The following AK5 variants were observed in gnomAD, a reference collection of about 807,000 sequenced individuals.
AK5 encodes adenylate kinase isoenzyme 5.
In AK5, 27 loss-of-function variants were observed where a neutral mutation model predicts 69.5. That is an observed-to-expected ratio of 0.39 (90% CI 0.29 to 0.54). The LOEUF is 0.54. Ranked by LOEUF, AK5 falls within the 20% of genes least tolerant of loss-of-function variation. AK5 has a pLI of 0.71. For missense variants in AK5, 531 were observed against 700.4 expected (o/e 0.76, Z 2.73); for synonymous variants, 260 against 244.4 (o/e 1.06, Z -0.60).
intron 8 of AK5, among the ~76,000 whole-genome samples, chr1:77,470,840 T>C (rs966851633): frequency 8.8e-3 from 10 of 1,134 alleles, no homozygotes; most frequent in African/African-American, 0.016. Context: ...TATATATATA[T>C]ATATATATAT....
Position 77,558,743 on chromosome 1 carries a change from A to AAGTT in AK5, c.*75_*78dup. The AAGTT allele has an allele frequency of 1.8e-6, 2 of 1,124,008 alleles. No individual in the cohort carries two copies. Among genetic ancestry groups the AAGTT allele is most frequent in the East Asian group, 2.4e-5 (1 of 42,410 alleles). The allele number at this position is 1,124,008 out of a possible 1,614,324, so 69.6% of individuals were successfully genotyped here. ...AGTTCATTCCTTAACACAATGTTTCAAGTTAAACCTTTTGTGTCACCGCCC... is the reference window on the plus strand; with the variant it reads ...AGTTCATTCCTTAACACAATGTTTCAAGTTAGTTAAACCTTTTGTGTCACCGCCC... On this transcript the variant is annotated 3_prime_UTR_variant, in exon 14 of 14. Transcript: ENST00000354567.
At chr1:77,433,242 T>A (rs1418899187) in intron 8 of AK5, among the ~76,000 whole-genome samples, 2 of 146,468 alleles carry the variant, frequency 1.4e-5, no homozygotes, top group Non-Finnish European at 3.0e-5. Flanking sequence ...AGCCTAATAA[T>A]AGGTGTATTA....
chr1:77,291,194 T>C (rs1014656524), intron 2 of AK5, among the ~76,000 whole-genome samples: 1 of 152,206 alleles, frequency 6.6e-6, no homozygotes, highest in African/African-American at 2.4e-5. Flanking sequence ...AAAGATACTA[T>C]ATGAAATGCA....
intron 6 of AK5, among the ~76,000 whole-genome samples, chr1:77,352,174 C>T (rs1662248196): frequency 1.3e-5 from 2 of 152,034 alleles, no homozygotes; most frequent in Admixed American, 1.3e-4. Context: ...GTGATCCGCC[C>T]ACCTTGGCCT....
At chr1:77,339,229 T>C (rs1661523070) in intron 5 of AK5, among the ~76,000 whole-genome samples, 2 of 152,256 alleles carry the variant, frequency 1.3e-5, no homozygotes, top group South Asian at 4.1e-4. Context: ...AAACATTTAC[T>C]AATGTGAAGA....
At position 77,368,339 on chromosome 1, in the gene AK5, T is replaced by A. The variant is rs577008732; in HGVS notation, c.891+27771T>A. 8.8e-3 allele frequency among the ~76,000 whole-genome samples: 1,120 copies of A among 127,360 alleles called. 16 individuals are homozygous for A. Among genetic ancestry groups the A allele is most frequent in the African/African-American group, 0.031 (1,074 of 34,642 alleles). The allele number at this position is 127,360 out of a possible 152,430, so 83.6% of individuals were successfully genotyped here. A position where few individuals can be genotyped will look rare whatever the true frequency, so the allele number is the denominator to read the frequency against. On this transcript the variant is annotated intron_variant, in intron 6 of 13. Transcript: ENST00000354567. ...ATATATAATATATATGTTATATATG[T>A]TATATATATATGTTGTGTATATATA...
intron 8 of AK5, among the ~76,000 whole-genome samples, chr1:77,438,260 A>G (rs1652076348): frequency 6.8e-6 from 1 of 146,388 alleles, no homozygotes; most frequent in Non-Finnish European, 1.5e-5. Flanking sequence ...GAGCCTCTAC[A>G]TACCAGCATT....
At chr1:77,508,866 CAAA>C (rs11380102) in intron 10 of AK5, among the ~76,000 whole-genome samples, 1 of 133,968 alleles carries the variant, frequency 7.5e-6, no homozygotes, top group Admixed American at 7.5e-5. Context: ...GACTCCATCT[CAAA>C]AAAAAAAAAA....
At chr1:77,554,921 G>A (rs1253465724) in intron 13 of AK5, among the ~76,000 whole-genome samples, 4 of 151,956 alleles carry the variant, frequency 2.6e-5, no homozygotes, top group South Asian at 2.1e-4. Flanking sequence ...CAGCCTCTGC[G>A]GTTATTTTTG....
intron 6 of AK5, among the ~76,000 whole-genome samples, chr1:77,346,922 A>C (rs1557515631): frequency 1.3e-5 from 2 of 152,320 alleles, no homozygotes; most frequent in South Asian, 4.1e-4. Flanking sequence ...CTAGGAAAAA[A>C]ATTCTGTTAC....
intron 8 of AK5, among the ~76,000 whole-genome samples, chr1:77,470,846 TATATATATATATATATA>T (rs1557615497): frequency 0.038 from 1,041 of 27,162 alleles, 133 homozygotes; most frequent in African/African-American, 0.059. Flanking sequence ...TATATATATA[TATATATATATATATATA>T]TATATATATA....
intron 6 of AK5, among the ~76,000 whole-genome samples, chr1:77,341,649 A>G (rs1012444848): frequency 6.6e-6 from 1 of 152,240 alleles, no homozygotes; most frequent in Non-Finnish European, 1.5e-5. Context: ...TGAAAGAGAC[A>G]GACATGACAT....
intron 13 of AK5, among the ~76,000 whole-genome samples, chr1:77,536,585 TA>T (rs1232637110): frequency 6.6e-6 from 1 of 152,166 alleles, no homozygotes; most frequent in Non-Finnish European, 1.5e-5. Context: ...CAGATCCCCT[TA>T]TAGTTGCTGA....
chr1:77,391,949 A>T (rs944082941), intron 6 of AK5, among the ~76,000 whole-genome samples: 1 of 152,184 alleles, frequency 6.6e-6, no homozygotes, highest in Non-Finnish European at 1.5e-5. Context: ...CTTTTAAAAG[A>T]TAGAATTAAC....
At chr1:77,420,654 C>T (rs3104461) in intron 8 of AK5, among the ~76,000 whole-genome samples, 140,296 of 152,298 alleles carry the variant, frequency 0.92, 64,750 homozygotes, top group East Asian at 0.97. Flanking sequence ...AGCTAGCAAG[C>T]TGTAGAGTCA....
chr1:77,349,248 A>G (rs1281816693), intron 6 of AK5, among the ~76,000 whole-genome samples: 2 of 152,152 alleles, frequency 1.3e-5, no homozygotes, highest in Admixed American at 6.5e-5. Flanking sequence ...AATTACCTAT[A>G]TAACAAACTT....
chr1:77,451,711 T>G (rs897878335), intron 8 of AK5, among the ~76,000 whole-genome samples: 1 of 152,232 alleles, frequency 6.6e-6, no homozygotes, highest in Non-Finnish European at 1.5e-5. Context: ...ACTTGCAGTT[T>G]TCCAAATCAT....
At chr1:77,556,210 T>G (rs1390616001) in intron 13 of AK5, among the ~76,000 whole-genome samples, 2 of 152,182 alleles carry the variant, frequency 1.3e-5, no homozygotes, top group African/African-American at 4.8e-5. Context: ...AGAAGAGAGT[T>G]GCAGAAGCTC....
chr1:77,365,339 A>G (rs902820193), intron 6 of AK5, among the ~76,000 whole-genome samples: 7 of 152,090 alleles, frequency 4.6e-5, no homozygotes, highest in Non-Finnish European at 1.5e-5. Flanking sequence ...GTTAAAAAAA[A>G]TTTTCCTGTC....
Sources: allele counts gnomAD v4.1 joint callset (sites outside exome capture counted in the v4.1 genomes callset), GRCh38; gene constraint gnomAD v4.1.1; transcripts MANE v1.5; gene names NCBI Gene and HGNC (gene_info 2026-07-23, HGNC 2026-07-21).